Variants in PROKR1 observed in about 807,000 individuals in gnomAD.
PROKR1 encodes prokineticin receptor 1.
In PROKR1, 21 loss-of-function variants were observed where a neutral mutation model predicts 22.8. The ratio of observed to expected loss-of-function variants is 0.92; its 90% CI spans 0.65 to 1.32. PROKR1 has a LOEUF of 1.32. PROKR1 is among the 40% of genes most tolerant of loss of function. The probability of loss-of-function intolerance (pLI) is 0.00; values close to 1 mark genes in which losing one functional copy is unlikely to be tolerated. For missense variants in PROKR1, 548 were observed against 514.2 expected (o/e 1.07, Z -0.64); for synonymous variants, 193 against 207.5 (o/e 0.93, Z 0.60).
intron 1 of PROKR1, among the ~76,000 whole-genome samples, chr2:68,645,376 C>CGGG (rs1673151051): frequency 6.6e-6 from 1 of 152,180 alleles, no homozygotes; most frequent in Non-Finnish European, 1.5e-5. Flanking sequence ...TTCAGCCTCC[C>CGGG]CACACTCCCA....
At chr2:68,646,432 T>TG in intron 2 of PROKR1, 126 bp downstream of exon 2, 1 of 1,383,982 alleles carries the variant, frequency 7.2e-7, no homozygotes, top group Non-Finnish European at 9.9e-7. Context: ...TGTGGTTGCA[T>TG]GGGGGACTCA....
rs761577329 is a variant in PROKR1 at position 68,646,118 on chromosome 2, G to A, written c.297G>A (p.Leu99=). ...RYKKLRNLTN[L]LIANLAISDF... ...AGAAACTGCGCAACCTCACCAACCT[G>A]CTCATCGCCAACCTGGCCATCTCTG... The change falls in exon 2 of 3, where the codon CTG becomes CTA. Residue 99 remains leucine (L), a synonymous_variant. Transcript: ENST00000303786. The A allele has an allele frequency of 1.2e-6, 2 of 1,612,068 alleles. No individual in the cohort carries two copies.
At position 68,657,271 on chromosome 2, in the gene PROKR1, A is replaced by G. The variant is rs1351463000; in HGVS notation, c.*1695A>G. 6.6e-6 allele frequency: 1 copy of G among 152,254 alleles called. No individual in the cohort carries two copies. The highest frequency in any genetic ancestry group is 1.9e-4 in the East Asian group (1 of 5,202). 9.4% of individuals were successfully genotyped at this position (152,254 alleles called of 1,614,324 possible). A position where few individuals can be genotyped will look rare whatever the true frequency, so the allele number is the denominator to read the frequency against. On this transcript the variant is annotated 3_prime_UTR_variant, in exon 3 of 3. Transcript: ENST00000303786. ...AAAGGATGGGCTAGGAACTACGTGT[A>G]GTGCGCCTGGACAAGAAAAACCTCT...
intron 2 of PROKR1, among the ~76,000 whole-genome samples, chr2:68,649,242 T>C (rs1673257024): frequency 6.6e-6 from 1 of 152,218 alleles, no homozygotes; most frequent in Non-Finnish European, 1.5e-5. Flanking sequence ...CCGAGGCATC[T>C]AACCTAGAAG....
intron 2 of PROKR1, among the ~76,000 whole-genome samples, chr2:68,647,905 C>T (rs1673225484): frequency 6.6e-6 from 1 of 152,138 alleles, no homozygotes; most frequent in Non-Finnish European, 1.5e-5. Flanking sequence ...CCGCATGAAC[C>T]CACTGAAGGA....
intron 2 of PROKR1, 82 bp downstream of exon 2, chr2:68,646,388 C>T: frequency 6.4e-7 from 1 of 1,563,256 alleles, no homozygotes; most frequent in Non-Finnish European, 8.8e-7. Flanking sequence ...ACTGCAGTTG[C>T]AGATTGATGA....
chr2:68,657,807 A>C lies in PROKR1; in HGVS notation c.*2231A>C, dbSNP rs562453935. 6.6e-6 allele frequency: 1 copy of C among 152,328 alleles called. No individual in the cohort carries two copies. Among genetic ancestry groups the C allele is most frequent in the South Asian group, 2.1e-4 (1 of 4,830 alleles). The allele number at this position is 152,328 out of a possible 1,614,324, so 9.4% of individuals were successfully genotyped here. On this transcript the variant is annotated 3_prime_UTR_variant, in exon 3 of 3. Transcript: ENST00000303786. Reference sequence around the variant, plus strand: ...ATTTCCCTGAAAGACACATTACAAAAACCTATTTATTTCTTCCCATTTATC... The same window carrying C: ...ATTTCCCTGAAAGACACATTACAAACACCTATTTATTTCTTCCCATTTATC...
At position 68,646,251 on chromosome 2, in the gene PROKR1, C is replaced by A. The variant is rs149410240; in HGVS notation, c.430C>A (p.Arg144Ser). ...HVLCTSVNYL[R>S]TVSLYVSTNA... is the part of the protein sequence containing the mutation. ...CCTGTGCACCTCTGTCAACTACCTG[C>A]GCACTGTCTCTCTCTATGTCTCCAC... The change falls in exon 2 of 3, where the codon CGC becomes AGC. Residue 144 changes from arginine to serine, a missense_variant. Physicochemically the swap from Arg to Ser is moderately radical, Grantham distance 110 (BLOSUM62 -1). Coordinates refer to ENST00000303786, the MANE Select transcript of PROKR1 (RefSeq NM_138964.4). The A allele has an allele frequency of 1.9e-6, 3 of 1,614,012 alleles. No individual in the cohort carries two copies. In the African/African-American group the frequency reaches 4.0e-5, roughly 22 times the overall value.
chr2:68,646,347 A>C lies in PROKR1; in HGVS notation c.485+41A>C. The C allele has an allele frequency of 2.5e-6, 4 of 1,611,974 alleles. No individual in the cohort carries two copies. In the South Asian group the frequency reaches 4.4e-5, roughly 18 times the overall value. ...GTGGGGACAACAAAGGCGGTCAGGG[A>C]GGAAGGGGCATTGGAATTGCCCCCT... On this transcript the variant is annotated intron_variant, in intron 2 of 2. Transcript: ENST00000303786.
intron 2 of PROKR1, 49 bp downstream of exon 2, chr2:68,646,355 G>A (rs1573333000): frequency 6.2e-7 from 1 of 1,608,956 alleles, no homozygotes; most frequent in Admixed American, 1.7e-5. Flanking sequence ...GGAGGAAGGG[G>A]CATTGGAATT....
At chr2:68,645,142 C>T (rs968532219) in intron 1 of PROKR1, among the ~76,000 whole-genome samples, 4 of 152,204 alleles carry the variant, frequency 2.6e-5, no homozygotes, top group African/African-American at 4.8e-5. Context: ...TGACTTTACC[C>T]TACAGCCTCT....
intron 2 of PROKR1, among the ~76,000 whole-genome samples, chr2:68,652,587 G>A (rs1573337276): frequency 6.6e-6 from 1 of 152,192 alleles, no homozygotes; most frequent in East Asian, 1.9e-4. Context: ...GAAAGGAGGA[G>A]AGGACTTGCA....
At chr2:68,654,766 C>T in intron 2 of PROKR1, 114 bp from the exon 3 acceptor site, 1 of 986,718 alleles carries the variant, frequency 1.0e-6, no homozygotes, top group South Asian at 1.4e-5. Context: ...CCACTGCACT[C>T]ACTGCACTCC....
intron 2 of PROKR1, among the ~76,000 whole-genome samples, chr2:68,651,472 G>A (rs144923471): frequency 1.3e-5 from 2 of 152,316 alleles, no homozygotes; most frequent in East Asian, 3.9e-4. Flanking sequence ...ACAGCGTGTG[G>A]GGGCTCCAGA....
At position 68,646,019 on chromosome 2, in the gene PROKR1, G is replaced by A. The variant is rs904488643; in HGVS notation, c.198G>A (p.Gly66=). ...TCTTTGCTGCCAAGATTGTCATTGG[G>A]ATGGCCCTGGTGGGCATCATGCTGG... ...RTFFAAKIVI[G]MALVGIMLVC... is the part of the protein sequence containing the mutation. The change falls in exon 2 of 3, where the codon GGG becomes GGA. Residue 66 remains glycine, a synonymous_variant. Transcript: ENST00000303786. The A allele has an allele frequency of 1.9e-6, 3 of 1,614,138 alleles. No individual in the cohort carries two copies. The highest frequency in any genetic ancestry group is 2.7e-5 in the African/African-American group (2 of 74,936).
rs1049145066 is a variant in PROKR1, at chr2:68,643,623, C to A, written c.-386C>A. 30 of 152,284 alleles carry A rather than the reference C, an allele frequency of 2.0e-4. No homozygotes were observed. Among genetic ancestry groups the A allele is most frequent in the African/African-American group, 6.8e-4 (28 of 41,450 alleles). 9.4% of individuals were successfully genotyped at this position (152,284 alleles called of 1,614,324 possible). A position where few individuals can be genotyped will look rare whatever the true frequency, so the allele number is the denominator to read the frequency against. On this transcript the variant is annotated 5_prime_UTR_variant, in exon 1 of 3. Transcript: ENST00000303786. ...CAAGAGCCCGCACCTCGGCGCCTCA[C>A]GGCCACCGGAGGCGGGGACAGGGAG...
intron 2 of PROKR1, among the ~76,000 whole-genome samples, chr2:68,648,254 T>C (rs1010203047): frequency 6.6e-6 from 1 of 152,062 alleles, no homozygotes; most frequent in Admixed American, 6.5e-5. Context: ...CTAAGGGGCA[T>C]TGGGTTATTT....
chr2:68,645,615 C>T, intron 1 of PROKR1, 47 bp from the exon 2 acceptor site: 2 of 706,008 alleles, frequency 2.8e-6, no homozygotes, highest in Non-Finnish European at 4.6e-6. Flanking sequence ...TTGAATTTGG[C>T]CAGCTTTACT....
At chr2:68,643,955 ATTC>A (rs1673120775) in intron 1 of PROKR1, 107 bp downstream of exon 1, 8 of 152,246 alleles carry the variant, frequency 5.3e-5, no homozygotes, top group Admixed American at 4.6e-4. Flanking sequence ...TTTGCCAGGG[ATTC>A]ACTCCTGTGA....
Sources: allele counts gnomAD v4.1 joint callset (sites outside exome capture counted in the v4.1 genomes callset), GRCh38; gene constraint gnomAD v4.1.1; transcripts MANE v1.5; gene names NCBI Gene and HGNC (gene_info 2026-07-23, HGNC 2026-07-21).